FAM186A: variants seen among roughly 807,000 people sequenced by gnomAD.
FAM186A encodes the protein family with sequence similarity 186 member A, also known as protein FAM186A.
Under a neutral mutation model 216.8 loss-of-function variants are expected in FAM186A, and 163 were observed. That is an observed-to-expected ratio of 0.75 (90% CI 0.66 to 0.86). FAM186A has a LOEUF of 0.86. FAM186A is among the 40% of genes least tolerant of loss of function. The pLI, the probability that FAM186A is intolerant of heterozygous loss-of-function variation, is 0.00. For missense variants in FAM186A, 2,184 were observed against 2,746.2 expected (o/e 0.80, Z 4.58); for synonymous variants, 805 against 1,025.3 (o/e 0.79, Z 4.10).
chr12:50,379,472 A>AAAAAAAAAAAAAAAAAAAAAGAGG (rs763934395), intron 1 of FAM186A, among the ~76,000 whole-genome samples: 1 of 115,828 alleles, frequency 8.6e-6, no homozygotes, highest in Non-Finnish European at 1.8e-5. Flanking sequence ...AGAGGGAAAA[A>AAAAAAAAAAAAAAAAAAAAAGAGG]CAAAAACAAA....
Position 50,363,284 on chromosome 12 carries a change from G to A in FAM186A, c.273C>T (p.Ser91=). The part of the protein sequence containing the change: ...MTRYTLVFNS[S]SERNVSLTEH... ...CTGTAAGGGAGACATTCCTTTCAGA[G>A]GACGAGTTAAAAACAAGAGTATAGC... is the stretch of plus-strand genomic sequence containing the variant. The change falls in exon 2 of 8, where the codon TCC becomes TCT. Residue 91 remains serine (S), a synonymous_variant. Transcript: ENST00000327337. 1 of 1,551,482 alleles carries A rather than the reference G, an allele frequency of 6.4e-7. No homozygotes were observed. The highest frequency in any genetic ancestry group is 8.7e-7 in the Non-Finnish European group (1 of 1,146,934).
At chr12:50,391,302 T>C (rs1389619697) in intron 1 of FAM186A, among the ~76,000 whole-genome samples, 1 of 150,926 alleles carries the variant, frequency 6.6e-6, no homozygotes, top group African/African-American at 2.4e-5. Context: ...CCTTATTTTA[T>C]TTTTTTATTT....
chr12:50,353,690 T>C lies in FAM186A; in HGVS notation c.3142A>G (p.Ile1048Val). The stretch of plus-strand genomic sequence containing the variant: ...TATTGTAGGGAGGGGGGAGGTGTGA[T>C]TGATATGGGCTCCTTTTCATCAGGA... ...NLPDEKEPIS[I>V]TPPPSLQYSL... The change falls in exon 4 of 8, where the codon ATC becomes GTC. Residue 1048 changes from isoleucine to valine, a missense_variant. This residue lies in a region of FAM186A where 1,132 missense variants were observed against 1,263.4 expected (regional missense o/e 0.90). Coordinates refer to ENST00000327337, the MANE Select transcript of FAM186A (RefSeq NM_001145475.3). 1 of 1,538,028 alleles carries C rather than the reference T, an allele frequency of 6.5e-7. No homozygotes were observed.
chr12:50,372,974 C>G (rs7969941), intron 1 of FAM186A, among the ~76,000 whole-genome samples: 9 of 95,014 alleles, frequency 9.5e-5, no homozygotes, highest in East Asian at 6.6e-4. Flanking sequence ...GAGGGAGGGA[C>G]GGAGGGAGGA....
At chr12:50,382,013 A>C (rs1328864936) in intron 1 of FAM186A, among the ~76,000 whole-genome samples, 1 of 152,038 alleles carries the variant, frequency 6.6e-6, no homozygotes, top group Non-Finnish European at 1.5e-5. Context: ...CCTTTTGAGT[A>C]GGGAGTGGGG....
chr12:50,367,257 G>A (rs1377789139), intron 1 of FAM186A, among the ~76,000 whole-genome samples: 1 of 151,978 alleles, frequency 6.6e-6, no homozygotes, highest in Non-Finnish European at 1.5e-5. Flanking sequence ...GGTGCCTCAC[G>A]CCTGTAATCC....
intron 4 of FAM186A, among the ~76,000 whole-genome samples, chr12:50,344,474 C>T (rs1048226190): frequency 1.4e-4 from 21 of 152,180 alleles, no homozygotes; most frequent in African/African-American, 5.1e-4. Context: ...GCATAGTATT[C>T]CATATGTTGT....
chr12:50,349,747 TC>T (rs1487623186), intron 4 of FAM186A, among the ~76,000 whole-genome samples: 1 of 152,066 alleles, frequency 6.6e-6, no homozygotes, highest in Non-Finnish European at 1.5e-5. Flanking sequence ...CCTCCCGGGT[TC>T]AAGCGATTCT....
chr12:50,331,838 A>G lies in FAM186A; in HGVS notation c.6697-17T>C. The G allele has an allele frequency of 6.6e-7, 1 of 1,511,552 alleles. No homozygotes were observed. The highest frequency in any genetic ancestry group is 8.8e-7 in the Non-Finnish European group (1 of 1,134,628). The allele number at this position is 1,511,552 out of a possible 1,614,324, so 93.6% of individuals were successfully genotyped here. On this transcript the variant is annotated splice_polypyrimidine_tract_variant and intron_variant, in intron 5 of 7. Transcript: ENST00000327337. ...CTTTTTGAGCTATAAAAAAAAATAGATCAGAAAAAGGAAACCATGAAAAGA... is the reference window on the plus strand; with the variant it reads ...CTTTTTGAGCTATAAAAAAAAATAGGTCAGAAAAAGGAAACCATGAAAAGA...
At chr12:50,375,269 C>T (rs1251958633) in intron 1 of FAM186A, among the ~76,000 whole-genome samples, 5 of 151,906 alleles carry the variant, frequency 3.3e-5, no homozygotes, top group South Asian at 4.2e-4. Flanking sequence ...GAAATTTGGC[C>T]GAGTGTGGTG....
At position 50,350,879 on chromosome 12, in the gene FAM186A, T is replaced by C. The variant is rs1381385145; in HGVS notation, c.5953A>G (p.Thr1985Ala). The change falls in exon 4 of 8, where the codon ACT becomes GCT. Residue 1985 changes from threonine (T) to alanine (A), a missense_variant. This residue lies in a region of FAM186A where 721 missense variants were observed against 816.4 expected (regional missense o/e 0.88). Coordinates refer to ENST00000327337, the MANE Select transcript of FAM186A (RefSeq NM_001145475.3). ...DFKVAQVPFTTKKFQMSEVSD... is the reference protein window; with the variant it reads ...DFKVAQVPFTAKKFQMSEVSD... ...ACCTCCGACATTTGGAACTTCTTAG[T>C]GGTGAAAGGAACTTGAGCTACCTTG... The C allele has an allele frequency of 3.2e-6, 5 of 1,551,582 alleles. No homozygotes were observed. In the African/African-American group the frequency reaches 6.8e-5, roughly 21 times the overall value.
At chr12:50,334,130 C>T (rs1052611776) in intron 4 of FAM186A, 27 bp from the exon 5 acceptor site, 31 of 1,495,272 alleles carry the variant, frequency 2.1e-5, no homozygotes, top group East Asian at 2.5e-5. Context: ...AAAATTAGAG[C>T]GATAATAGTT....
intron 4 of FAM186A, among the ~76,000 whole-genome samples, chr12:50,342,776 T>C (rs895491157): frequency 9.9e-5 from 15 of 151,428 alleles, no homozygotes; most frequent in Admixed American, 4.6e-4. Flanking sequence ...CCCGACCTTT[T>C]TTTTTTTTGA....
At chr12:50,337,895 A>AAAAC (rs528079117) in intron 4 of FAM186A, among the ~76,000 whole-genome samples, 1 of 119,156 alleles carries the variant, frequency 8.4e-6, no homozygotes, top group Non-Finnish European at 1.9e-5. Context: ...ACTTCGTCTA[A>AAAAC]AAACAAACAA....
In FAM186A at chr12:50,350,388, T is replaced by A. The variant is rs7312252; in HGVS notation, c.6444A>T (p.Thr2148=). 2.6e-6 allele frequency: 4 copies of A among 1,550,632 alleles called. No homozygotes were observed. The highest frequency in any genetic ancestry group is 2.4e-5 in the East Asian group (1 of 40,882). The change falls in exon 4 of 8, where the codon ACA becomes ACT. Residue 2148 remains threonine (T), a synonymous_variant. Transcript: ENST00000327337. ...TLIIEILHMD[T]VQLGYLFRKY... is the part of the protein sequence containing the mutation. ...TGCGGAATAAGTATCCCAACTGAAC[T>A]GTGTCCATATGAAGTATCTCAATTA...
At chr12:50,340,085 A>C (rs1423251163) in intron 4 of FAM186A, among the ~76,000 whole-genome samples, 2 of 151,702 alleles carry the variant, frequency 1.3e-5, no homozygotes, top group Admixed American at 1.3e-4. Flanking sequence ...CAATCCACCC[A>C]CCTCGGCCTC....
chr12:50,360,800 C>T lies in FAM186A; in HGVS notation c.539G>A (p.Ser180Asn), dbSNP rs778776600. 2.1e-5 allele frequency: 33 copies of T among 1,546,034 alleles called. 1 individual carries two copies. The South Asian group carries it at 2.3e-4, about 11-fold the overall frequency. ...ENNVKILSRFSTSFLDEKKKQ... is the reference protein window; with the variant it reads ...ENNVKILSRFNTSFLDEKKKQ... ...CTTCTTTTCGTCGAGGAAAGATGTA[C>T]TAAATCTGCTTAGTATCTTGACATT... The change falls in exon 3 of 8, where the codon AGT becomes AAT. Residue 180 changes from serine (S) to asparagine (N), a missense_variant. Transcript: ENST00000327337.
chr12:50,346,237 A>AAAGAAAGAAAGAGAAAGAAAGAAAG (rs1383898895), intron 4 of FAM186A, among the ~76,000 whole-genome samples: 1 of 102,184 alleles, frequency 9.8e-6, no homozygotes, highest in African/African-American at 3.4e-5. Flanking sequence ...AAGAAAGAAA[A>AAAGAAAGAAAGAGAAAGAAAGAAAG]AAAGAAAGAA....
chr12:50,384,956 C>A (rs1249848620), intron 1 of FAM186A, among the ~76,000 whole-genome samples: 1 of 151,896 alleles, frequency 6.6e-6, no homozygotes, highest in Non-Finnish European at 1.5e-5. Context: ...CAGGTGCCTG[C>A]CTCTATGCCC....
Sources: gnomAD v4.1 joint callset for allele counts (sites outside exome capture counted in the v4.1 genomes callset) on GRCh38, gnomAD v4.1.1 for gene constraint, gnomAD v4.1.1 regional missense constraint, MANE v1.5 for transcripts, NCBI Gene and HGNC (gene_info 2026-07-23, HGNC 2026-07-21) for gene names.